Variants in TXNDC16 observed in about 807,000 individuals in gnomAD.
TXNDC16 encodes the protein thioredoxin domain containing 16, also known as thioredoxin domain-containing protein 16.
Under a neutral mutation model 85.6 loss-of-function variants are expected in TXNDC16, and 74 were observed. The observed-to-expected ratio is 0.86, with a 90% CI of 0.72 to 1.05. The LOEUF (loss-of-function observed/expected upper bound fraction) is 1.05. Among genes scored for constraint, TXNDC16 ranks in the 50% least tolerant of loss-of-function variants. The pLI, the probability that TXNDC16 is intolerant of heterozygous loss-of-function variation, is 0.00. For missense variants in TXNDC16, 959 were observed against 947.0 expected (o/e 1.01, Z -0.17); for synonymous variants, 335 against 326.5 (o/e 1.03, Z -0.28).
At chr14:52,548,555 C>T (rs755496197) in intron 1 of TXNDC16, among the ~76,000 whole-genome samples, 17 of 152,092 alleles carry the variant, frequency 1.1e-4, no homozygotes, top group Non-Finnish European at 1.9e-4. Flanking sequence ...CAGTGGTATA[C>T]CGAGTTGGTC....
rs573543567 is a variant in TXNDC16 at position 52,488,725 on chromosome 14, T to C, written c.985-239A>G. ...GGCGCACGCCTGTAATCCCAGCTAC[T>C]TGGGAGGCTGAAACAGGAGAATCGT... On this transcript the variant is annotated intron_variant, in intron 11 of 20. Coordinates refer to ENST00000281741, the MANE Select transcript of TXNDC16 (RefSeq NM_020784.3). Among the ~76,000 whole-genome samples the C allele has an allele frequency of 6.4e-4, 96 of 150,154 alleles. 1 individual carries two copies. The highest frequency in any genetic ancestry group is 5.7e-3 in the South Asian group (27 of 4,770).
intron 14 of TXNDC16, 132 bp from the exon 15 acceptor site, chr14:52,470,812 T>G: frequency 6.7e-6 from 5 of 749,444 alleles, no homozygotes; most frequent in Non-Finnish European, 1.0e-5. Context: ...AAACACTCTC[T>G]TCCCTTGATC....
At chr14:52,452,499 A>G (rs1355908297) in intron 18 of TXNDC16, among the ~76,000 whole-genome samples, 3 of 152,182 alleles carry the variant, frequency 2.0e-5, no homozygotes, top group African/African-American at 7.2e-5. Context: ...AGACCAATGG[A>G]ACAGAATACA....
chr14:52,478,646 T>C (rs10162539), intron 14 of TXNDC16, among the ~76,000 whole-genome samples: 2 of 151,718 alleles, frequency 1.3e-5, no homozygotes, highest in African/African-American at 2.4e-5. Flanking sequence ...CAGTGCAATA[T>C]CAACCAGTGA....
chr14:52,478,162 C>A (rs1045513154), intron 14 of TXNDC16, among the ~76,000 whole-genome samples: 6 of 152,072 alleles, frequency 3.9e-5, no homozygotes, highest in African/African-American at 1.2e-4. Context: ...ATCAAAACCT[C>A]TGGAATATAG....
At chr14:52,453,636 G>T (rs966420115) in intron 18 of TXNDC16, among the ~76,000 whole-genome samples, 11 of 152,268 alleles carry the variant, frequency 7.2e-5, no homozygotes, top group African/African-American at 2.6e-4. Flanking sequence ...TAAAACAATT[G>T]AACTCATGGA....
Position 52,459,980 on chromosome 14 carries a change from C to G in TXNDC16, c.1619-2806G>C, listed in dbSNP as rs543435768. On this transcript the variant is annotated intron_variant, in intron 16 of 20. Transcript: ENST00000281741. The stretch of plus-strand genomic sequence containing the variant: ...GAATGGGCAAACGTTGGAAGTAATC[C>G]CCTTGAAAACTGGCACAAGACAAGG... 1.4e-4 allele frequency among the ~76,000 whole-genome samples: 21 copies of G among 152,106 alleles called. No individual in the cohort carries two copies. The South Asian group carries it at 4.4e-3, about 32-fold the overall frequency.
intron 8 of TXNDC16, among the ~76,000 whole-genome samples, chr14:52,513,771 C>G (rs116390272): frequency 2.0e-5 from 3 of 151,804 alleles, no homozygotes; most frequent in Non-Finnish European, 4.4e-5. Flanking sequence ...CAATAAATAA[C>G]CACCTCTTTA....
At position 52,506,755 on chromosome 14, in the gene TXNDC16, A is replaced by T. The variant is rs1254193163; in HGVS notation, c.756+4485T>A. Among the ~76,000 whole-genome samples, 3 of 141,742 alleles carry T rather than the reference A, an allele frequency of 2.1e-5. 1 individual carries two copies. The highest frequency in any genetic ancestry group is 5.4e-5 in the African/African-American group (2 of 37,104). The allele number at this position is 141,742 out of a possible 152,430, so 93.0% of individuals were successfully genotyped here. A position where few individuals can be genotyped will look rare whatever the true frequency, so the allele number is the denominator to read the frequency against. On this transcript the variant is annotated intron_variant, in intron 9 of 20. Transcript: ENST00000281741. ...GTATTTTTAGTAGAGACGGGGTTTC[A>T]CCTTGTTAGCCAGGATGGTCTCGAT... is the stretch of plus-strand genomic sequence containing the variant.
chr14:52,529,678 ATATATAATG>A (rs2037438916), intron 6 of TXNDC16, among the ~76,000 whole-genome samples: 1 of 111,410 alleles, frequency 9.0e-6, no homozygotes, highest in South Asian at 2.5e-4. Flanking sequence ...TATATATAAT[ATATATAATG>A]CCTATTATAT....
At chr14:52,473,655 C>T (rs1052643652) in intron 14 of TXNDC16, among the ~76,000 whole-genome samples, 3 of 152,162 alleles carry the variant, frequency 2.0e-5, no homozygotes, top group Admixed American at 1.3e-4. Context: ...AAGGTGCCTA[C>T]AGTATTACAT....
At chr14:52,508,753 C>T (rs1465221058) in intron 9 of TXNDC16, among the ~76,000 whole-genome samples, 3 of 152,148 alleles carry the variant, frequency 2.0e-5, no homozygotes, top group Non-Finnish European at 2.9e-5. Flanking sequence ...ATGATGAGTT[C>T]ATGTCCTTTG....
rs981860227 is a variant in TXNDC16, at chr14:52,503,285, T to C, written c.756+7955A>G. Among the ~76,000 whole-genome samples the C allele has an allele frequency of 3.9e-5, 6 of 152,240 alleles. No individual in the cohort carries two copies. The South Asian group carries it at 1.0e-3, about 26-fold the overall frequency. On this transcript the variant is annotated intron_variant, in intron 9 of 20. Coordinates refer to ENST00000281741, the MANE Select transcript of TXNDC16 (RefSeq NM_020784.3). ...AGAACAGACTGCCTCCTCAAGTGGG[T>C]CCCTGACCCCCAAGTAGCCTCACTG...
At chr14:52,470,412 G>A (rs983538149) in intron 15 of TXNDC16, 100 bp downstream of exon 15, 4 of 1,303,188 alleles carry the variant, frequency 3.1e-6, no homozygotes, top group Non-Finnish European at 4.2e-6. Flanking sequence ...CTCAATTCTA[G>A]TATCTTCCTT....
chr14:52,455,217 C>T (rs977408842), intron 18 of TXNDC16, 107 bp downstream of exon 18: 10 of 1,291,892 alleles, frequency 7.7e-6, no homozygotes, highest in South Asian at 2.9e-5. Flanking sequence ...TCACAAATCA[C>T]CCTGCCCTGT....
At chr14:52,534,661 A>T (rs935980532) in intron 6 of TXNDC16, among the ~76,000 whole-genome samples, 2 of 152,146 alleles carry the variant, frequency 1.3e-5, no homozygotes, top group African/African-American at 4.8e-5. Context: ...CTAGACATGA[A>T]TAACTACTCC....
At chr14:52,507,778 A>T (rs1308816346) in intron 9 of TXNDC16, among the ~76,000 whole-genome samples, 4 of 152,258 alleles carry the variant, frequency 2.6e-5, no homozygotes, top group Admixed American at 2.6e-4. Context: ...TAAGTATCTG[A>T]TCTTTGACAA....
chr14:52,498,248 T>C (rs2036577837), intron 9 of TXNDC16, among the ~76,000 whole-genome samples: 1 of 152,150 alleles, frequency 6.6e-6, no homozygotes, highest in Non-Finnish European at 1.5e-5. Context: ...AAGTCAAGGA[T>C]ACCCACTCTT....
At chr14:52,480,982 T>C (rs1380671590) in intron 14 of TXNDC16, among the ~76,000 whole-genome samples, 1 of 91,626 alleles carries the variant, frequency 1.1e-5, no homozygotes, top group Non-Finnish European at 2.2e-5. Context: ...TATGTATATA[T>C]ATATATATAT....
Sources: allele counts gnomAD v4.1 joint callset (sites outside exome capture counted in the v4.1 genomes callset), GRCh38; gene constraint gnomAD v4.1.1; transcripts MANE v1.5; gene names NCBI Gene and HGNC (gene_info 2026-07-23, HGNC 2026-07-21).